Variants in NEDD4 observed in about 807,000 individuals in gnomAD.
The protein encoded by NEDD4 is NEDD4 E3 ubiquitin protein ligase, also known as E3 ubiquitin-protein ligase NEDD4.
Under a neutral mutation model 144.9 loss-of-function variants are expected in NEDD4, and 99 were observed. The ratio of observed to expected loss-of-function variants is 0.68; its 90% confidence interval spans 0.58 to 0.81. The LOEUF (loss-of-function observed/expected upper bound fraction) is 0.81. NEDD4 is among the 30% of genes least tolerant of loss of function. The pLI is 0.00. For missense variants in NEDD4, 985 were observed against 1,065.9 expected (o/e 0.92, Z 1.06); for synonymous variants, 318 against 350.6 (o/e 0.91, Z 1.04).
At chr15:55,842,390 T>C (rs994619114) in intron 18 of NEDD4, among the ~76,000 whole-genome samples, 69 of 152,166 alleles carry the variant, frequency 4.5e-4, no homozygotes, top group African/African-American at 1.6e-3. Context: ...CTTCTTTACA[T>C]CTGAAGAAGC....
intron 4 of NEDD4, among the ~76,000 whole-genome samples, chr15:55,932,029 T>C (rs1317484402): frequency 6.6e-6 from 1 of 152,218 alleles, no homozygotes; most frequent in Non-Finnish European, 1.5e-5. Context: ...AATTGGCTTC[T>C]GATATGGTTT....
chr15:55,862,827 T>G, intron 9 of NEDD4, 86 bp downstream of exon 9: 3 of 1,237,226 alleles, frequency 2.4e-6, no homozygotes, highest in Non-Finnish European at 3.4e-6. Flanking sequence ...TATACTGTTA[T>G]GAATCCATCT....
At chr15:55,959,734 G>A (rs2037395861) in intron 2 of NEDD4, among the ~76,000 whole-genome samples, 3 of 152,200 alleles carry the variant, frequency 2.0e-5, no homozygotes, top group Admixed American at 6.5e-5. Context: ...AAGAAGCTGA[G>A]ACGGCCTCCA....
intron 18 of NEDD4, 45 bp from the exon 19 acceptor site, chr15:55,842,208 T>C (rs377038385): frequency 8.0e-6 from 12 of 1,500,816 alleles, no homozygotes; most frequent in Non-Finnish European, 1.0e-5. Flanking sequence ...CAGTTCAACA[T>C]AATAACAAAC....
rs537214071 is a variant in NEDD4 at position 55,842,130 on chromosome 15, G to A, written c.1642C>T (p.Arg548Cys). ...DIPNKFEMKL[R>C]RATVLEDSYR... ...GAGTCTTCAAGAACAGTTGCTCGGCGAAGTTTCATTTCAAATTTGTTTGGA... is the reference window on the plus strand; with the variant it reads ...GAGTCTTCAAGAACAGTTGCTCGGCAAAGTTTCATTTCAAATTTGTTTGGA... Residue 548 changes from arginine to cysteine, a missense_variant, in exon 19 of 29, where the codon CGC (arginine) becomes TGC (cysteine). Coordinates refer to ENST00000435532, the MANE Select transcript of NEDD4 (RefSeq NM_006154.4). 38 of 1,613,988 alleles carry A rather than the reference G, an allele frequency of 2.4e-5. No individual in the cohort carries two copies. The highest frequency in any genetic ancestry group is 1.3e-4 in the East Asian group (6 of 44,878).
chr15:55,833,195 T>C, intron 26 of NEDD4, 91 bp from the exon 27 acceptor site: 1 of 793,640 alleles, frequency 1.3e-6, no homozygotes, highest in Non-Finnish European at 2.1e-6. Context: ...ATTTAGAATA[T>C]TAATAATCCC....
intron 5 of NEDD4, among the ~76,000 whole-genome samples, chr15:55,894,764 A>ATG (rs1304161471): frequency 6.6e-6 from 1 of 152,204 alleles, no homozygotes; most frequent in Non-Finnish European, 1.5e-5. Flanking sequence ...AGGATTTAAA[A>ATG]ATACAAACCA....
At chr15:55,872,820 G>A (rs2034851140) in intron 6 of NEDD4, among the ~76,000 whole-genome samples, 1 of 151,700 alleles carries the variant, frequency 6.6e-6, no homozygotes, top group African/African-American at 2.4e-5. Flanking sequence ...CTTGGTTAGA[G>A]CATAGAGATA....
chr15:55,848,934 A>G, intron 14 of NEDD4, 48 bp from the exon 15 acceptor site: 1 of 1,421,654 alleles, frequency 7.0e-7, no homozygotes, highest in Non-Finnish European at 9.9e-7. Flanking sequence ...ATTTTAAAAT[A>G]ATCAAAGTCA....
At position 55,863,013 on chromosome 15, in the gene NEDD4, G is replaced by A; in HGVS notation, c.574C>T (p.Pro192Ser). 1 of 1,605,614 alleles carries A rather than the reference G, an allele frequency of 6.2e-7. No homozygotes were observed. Among genetic ancestry groups the A allele is most frequent in the Non-Finnish European group, 8.5e-7 (1 of 1,175,012 alleles). ...CTCTCTTCCCACCCTGGAGGTAGAG[G>A]AGAAGGTTCTTGTTGTTGCTGCAAA... ...CHLQQQQEPS[P>S]LPPGWEERQD... The change falls in exon 9 of 29, where the codon CCT becomes TCT. Residue 192 changes from proline to serine, a missense_variant. By Grantham distance (74) the Pro-to-Ser change is moderately conservative. Coordinates refer to ENST00000435532, the MANE Select transcript of NEDD4 (RefSeq NM_006154.4).
rs145814401 is a variant in NEDD4, at chr15:55,972,535, T to C, written c.46-5989A>G. Among the ~76,000 whole-genome samples the C allele has an allele frequency of 2.9e-3, 448 of 152,134 alleles. 3 individuals carry two copies. The highest frequency in any genetic ancestry group is 0.01 in the African/African-American group (424 of 41,520). On this transcript the variant is annotated intron_variant, in intron 1 of 28. Coordinates refer to ENST00000435532, the MANE Select transcript of NEDD4 (RefSeq NM_006154.4). Reference sequence around the variant, plus strand: ...TAAAAAATCTACAACAGACATACAATAGATAAACCAAGAAATTAAAGCATA... The same window carrying C: ...TAAAAAATCTACAACAGACATACAACAGATAAACCAAGAAATTAAAGCATA...
intron 4 of NEDD4, 126 bp from the exon 5 acceptor site, chr15:55,924,825 T>G (rs1279912771): frequency 2.3e-6 from 2 of 875,236 alleles, no homozygotes; most frequent in Non-Finnish European, 3.6e-6. Flanking sequence ...CCCAGCACTT[T>G]GGGAGGCCGA....
intron 5 of NEDD4, among the ~76,000 whole-genome samples, chr15:55,893,603 A>T (rs1014854061): frequency 2.0e-5 from 3 of 151,668 alleles, no homozygotes; most frequent in African/African-American, 7.3e-5. Flanking sequence ...TTATTTGAAC[A>T]CATGAAAAGT....
chr15:55,835,148 C>T (rs1382342367), intron 24 of NEDD4, among the ~76,000 whole-genome samples: 1 of 152,190 alleles, frequency 6.6e-6, no homozygotes, highest in African/African-American at 2.4e-5. Context: ...CAGTGTTATG[C>T]ACTTACCAAA....
rs79617189 is a variant in NEDD4, at chr15:55,917,465, T to C, written c.291+7181A>G. On this transcript the variant is annotated intron_variant, in intron 5 of 28. Transcript: ENST00000435532. Reference sequence around the variant, plus strand: ...AGTTAGTTAATATAGGGACTGTTAATTTTTTTTTTTTAATGTGTGAATTCA... The same window carrying C: ...AGTTAGTTAATATAGGGACTGTTAACTTTTTTTTTTTAATGTGTGAATTCA... Among the ~76,000 whole-genome samples, 4 of 80,280 alleles carry C rather than the reference T, an allele frequency of 5.0e-5. No homozygotes were observed. In the Admixed American group the frequency reaches 5.8e-4, roughly 12 times the overall value. 52.7% of individuals were successfully genotyped at this position (80,280 alleles called of 152,430 possible).
intron 4 of NEDD4, among the ~76,000 whole-genome samples, chr15:55,949,151 G>T (rs531565566): frequency 2.0e-5 from 3 of 152,298 alleles, no homozygotes; most frequent in East Asian, 1.9e-4. Context: ...GATATGAACA[G>T]ACACTTCTCA....
At chr15:55,856,565 C>T (rs2034203466) in intron 11 of NEDD4, among the ~76,000 whole-genome samples, 1 of 150,436 alleles carries the variant, frequency 6.6e-6, no homozygotes, top group Non-Finnish European at 1.5e-5. Flanking sequence ...GAGGTTTCCC[C>T]GTTGCAAGTC....
intron 1 of NEDD4, among the ~76,000 whole-genome samples, chr15:55,988,375 G>A (rs1442469701): frequency 7.7e-6 from 1 of 129,800 alleles, no homozygotes; most frequent in Non-Finnish European, 1.6e-5. Flanking sequence ...CCTAATGCTA[G>A]ATGACACGTT....
At chr15:55,973,368 A>C (rs756770606) in intron 1 of NEDD4, among the ~76,000 whole-genome samples, 5 of 152,008 alleles carry the variant, frequency 3.3e-5, no homozygotes, top group Non-Finnish European at 7.4e-5. Flanking sequence ...GTCAGGCCCT[A>C]TCTCTTAAAA....
Sources: gnomAD v4.1 joint callset for allele counts (sites outside exome capture counted in the v4.1 genomes callset) on GRCh38, gnomAD v4.1.1 for gene constraint, MANE v1.5 for transcripts, NCBI Gene and HGNC (gene_info 2026-07-23, HGNC 2026-07-21) for gene names.